Variants in CTNNA2 observed in about 807,000 individuals in gnomAD.
The protein encoded by CTNNA2 is catenin alpha-2.
In CTNNA2, 42 loss-of-function variants were observed where a neutral mutation model predicts 101.0. The observed-to-expected ratio is 0.42, with a 90% CI of 0.32 to 0.54. CTNNA2 has a LOEUF of 0.54. CTNNA2 is among the 20% of genes least tolerant of loss of function. The probability of loss-of-function intolerance (pLI) is 0.14; values close to 1 mark genes in which losing one functional copy is unlikely to be tolerated. For synonymous variants in CTNNA2, 450 were observed against 456.4 expected, an observed-to-expected ratio of 0.99 and a Z score of 0.18; for missense variants, 871 against 1,223.1, an observed-to-expected ratio of 0.71 and a Z score of 4.29.
intron 2 of CTNNA2, among the ~76,000 whole-genome samples, chr2:79,306,667 C>T (rs1167300746): frequency 2.0e-5 from 3 of 152,124 alleles, no homozygotes; most frequent in Non-Finnish European, 4.4e-5. Flanking sequence ...AGAATTTTTC[C>T]ATATCTAGTA....
chr2:80,593,963 C>A (rs908419098), intron 15 of CTNNA2, among the ~76,000 whole-genome samples: 1 of 152,058 alleles, frequency 6.6e-6, no homozygotes. Flanking sequence ...ATGTAAGTTC[C>A]TGCTTTCATT....
At chr2:80,472,727 A>T (rs147156612) in intron 9 of CTNNA2, among the ~76,000 whole-genome samples, 1 of 152,132 alleles carries the variant, frequency 6.6e-6, no homozygotes, top group African/African-American at 2.4e-5. Flanking sequence ...GGGTGGGGAG[A>T]GATGGAGCCT....
intron 4 of CTNNA2, among the ~76,000 whole-genome samples, chr2:79,477,020 A>G (rs935101209): frequency 6.6e-6 from 1 of 152,222 alleles, no homozygotes; most frequent in African/African-American, 2.4e-5. Context: ...TCCCTATGAC[A>G]ATACAGAACA....
rs189546019 is a variant in CTNNA2, at chr2:79,890,741, A to T, written c.852+16399A>T. 1.1e-4 allele frequency among the ~76,000 whole-genome samples: 17 copies of T among 150,306 alleles called. No individual in the cohort carries two copies. In the Admixed American group the frequency reaches 1.1e-3, roughly 10 times the overall value. The stretch of plus-strand genomic sequence containing the variant: ...TGTCTCAGTTTGTTTGGGCTTCTGT[A>T]ACAGAATACCTTAGACTGAGTCATT... On this transcript the variant is annotated intron_variant, in intron 6 of 18. Coordinates refer to ENST00000402739, the MANE Select transcript of CTNNA2 (RefSeq NM_001282597.3).
intron 4 of CTNNA2, among the ~76,000 whole-genome samples, chr2:79,470,371 A>G (rs767156642): frequency 6.6e-6 from 1 of 152,202 alleles, no homozygotes; most frequent in Non-Finnish European, 1.5e-5. Flanking sequence ...GCTTTTCTCG[A>G]TAAAACTGTA....
At chr2:79,779,292 T>A (rs1290452167) in intron 3 of CTNNA2, among the ~76,000 whole-genome samples, 1 of 152,154 alleles carries the variant, frequency 6.6e-6, no homozygotes, top group Non-Finnish European at 1.5e-5. Flanking sequence ...CAAGGGTGAC[T>A]GGCCTCTTCA....
At chr2:80,050,763 C>T (rs1294304639) in intron 7 of CTNNA2, among the ~76,000 whole-genome samples, 1 of 152,190 alleles carries the variant, frequency 6.6e-6, no homozygotes, top group African/African-American at 2.4e-5. Flanking sequence ...TGCAGTGGTA[C>T]AATCACGGCT....
intron 4 of CTNNA2, among the ~76,000 whole-genome samples, chr2:79,467,994 C>A (rs1389270954): frequency 1.3e-5 from 2 of 152,160 alleles, no homozygotes; most frequent in Non-Finnish European, 2.9e-5. Context: ...AACCAGCTAA[C>A]ATCATAATGA....
Position 80,103,504 on chromosome 2 carries a change from G to T in CTNNA2, c.1056+193707G>T, listed in dbSNP as rs368644380. ...GCTTCAACATATGAATTCCAAGAGG[G>T]GTATAATTTAGTCTATAACAATCCA... is the stretch of plus-strand genomic sequence containing the variant. On this transcript the variant is annotated intron_variant, in intron 7 of 18. Transcript: ENST00000402739. Among the ~76,000 whole-genome samples, 4 of 152,132 alleles carry T rather than the reference G, an allele frequency of 2.6e-5. No individual in the cohort carries two copies. In the East Asian group the frequency reaches 7.8e-4, roughly 29 times the overall value.
At chr2:79,705,089 A>G (rs2104777134) in intron 2 of CTNNA2, among the ~76,000 whole-genome samples, 1 of 152,194 alleles carries the variant, frequency 6.6e-6, no homozygotes, top group Non-Finnish European at 1.5e-5. Context: ...GGTCGAATCC[A>G]AGGATGCTAC....
intron 7 of CTNNA2, among the ~76,000 whole-genome samples, chr2:80,095,951 C>G (rs528704798): frequency 5.3e-5 from 8 of 152,128 alleles, no homozygotes; most frequent in African/African-American, 1.9e-4. Flanking sequence ...TTTCAAAAAA[C>G]CAGCTCCTGG....
chr2:80,623,424 A>G (rs993416760), intron 18 of CTNNA2, among the ~76,000 whole-genome samples: 1 of 151,910 alleles, frequency 6.6e-6, no homozygotes, highest in African/African-American at 2.4e-5. Context: ...AGAGGGAGGA[A>G]TATCTCAGAA....
intron 4 of CTNNA2, among the ~76,000 whole-genome samples, chr2:79,499,920 G>A (rs1671301311): frequency 6.6e-6 from 1 of 152,194 alleles, no homozygotes; most frequent in African/African-American, 2.4e-5. Context: ...ATATTGGCCA[G>A]CAGCCTGGAG....
At chr2:80,173,497 T>A (rs1705200902) in intron 7 of CTNNA2, among the ~76,000 whole-genome samples, 1 of 152,132 alleles carries the variant, frequency 6.6e-6, no homozygotes, top group Admixed American at 6.5e-5. Flanking sequence ...TAAAAAGAAC[T>A]CTAAATAAGA....
chr2:79,493,389 A>G (rs1201061356), intron 4 of CTNNA2, among the ~76,000 whole-genome samples: 2 of 152,162 alleles, frequency 1.3e-5, no homozygotes, highest in Non-Finnish European at 2.9e-5. Flanking sequence ...AGGCTGAGGC[A>G]GGTGGATCAT....
chr2:80,546,193 A>G, intron 11 of CTNNA2, 130 bp downstream of exon 11: 4 of 1,109,584 alleles, frequency 3.6e-6, no homozygotes, highest in South Asian at 3.3e-5. Flanking sequence ...TTTTTTGATC[A>G]TCTCTGCAAA....
intron 7 of CTNNA2, among the ~76,000 whole-genome samples, chr2:79,964,502 C>T (rs1170555745): frequency 6.6e-6 from 1 of 151,386 alleles, no homozygotes; most frequent in East Asian, 1.9e-4. Context: ...TGAAATTTTT[C>T]TTTGAAAAAT....
chr2:80,034,601 G>T (rs538431425), intron 7 of CTNNA2, among the ~76,000 whole-genome samples: 2 of 152,008 alleles, frequency 1.3e-5, no homozygotes, highest in African/African-American at 2.4e-5. Context: ...TGATCCGCCC[G>T]CTTCTGCCTC....
chr2:80,605,633 A>T (rs1697935181), intron 16 of CTNNA2: 1 of 152,054 alleles, frequency 6.6e-6, no homozygotes. Context: ...AACATCCTTC[A>T]TTCAAGTCAA....
Sources: allele counts gnomAD v4.1 joint callset (sites outside exome capture counted in the v4.1 genomes callset), GRCh38; gene constraint gnomAD v4.1.1; transcripts MANE v1.5; gene names NCBI Gene and HGNC (gene_info 2026-07-23, HGNC 2026-07-21).